Variants in XAF1 observed in about 807,000 individuals in gnomAD.
XAF1 encodes the protein XIAP associated factor 1, also known as XIAP-associated factor 1.
Under a neutral mutation model 32.3 loss-of-function variants are expected in XAF1, and 32 were observed. That is an observed-to-expected ratio of 0.99 (90% CI 0.75 to 1.33). The LOEUF (loss-of-function observed/expected upper bound fraction) is 1.33. XAF1 is among the 40% of genes most tolerant of loss of function. The probability of loss-of-function intolerance (pLI) is 0.00; values close to 1 mark genes in which losing one functional copy is unlikely to be tolerated. For synonymous variants in XAF1, 120 were observed against 125.9 expected (o/e 0.95, Z 0.31); for missense variants, 379 against 366.0 (o/e 1.04, Z -0.29).
intron 2 of XAF1, chr17:6,759,173 T>C: frequency 9.8e-7 from 1 of 1,018,834 alleles, no homozygotes; most frequent in Admixed American, 5.2e-5. Context: ...ACAAAGCCCA[T>C]GGAAAGGAAA....
chr17:6,772,468 T>C (rs1415263199), intron 6 of XAF1, among the ~76,000 whole-genome samples: 1 of 138,388 alleles, frequency 7.2e-6, no homozygotes, highest in Non-Finnish European at 1.6e-5. Flanking sequence ...CTGCCATCTT[T>C]TTTTTTTTTT....
chr17:6,759,062 G>C (rs1191424648), intron 2 of XAF1: 17 of 798,488 alleles, frequency 2.1e-5, no homozygotes, highest in Non-Finnish European at 2.5e-5. Context: ...GGAGAGATGG[G>C]GTCCGGGAGT....
At chr17:6,762,783 C>T (rs1191958978) in intron 5 of XAF1, among the ~76,000 whole-genome samples, 17 of 152,208 alleles carry the variant, frequency 1.1e-4, no homozygotes, top group Admixed American at 1.1e-3. Flanking sequence ...TGCCAAGTTG[C>T]TCCCTTCTTT....
At chr17:6,760,680 C>A in intron 4 of XAF1, 79 bp downstream of exon 4, 1 of 1,384,344 alleles carries the variant, frequency 7.2e-7, no homozygotes, top group Non-Finnish European at 9.9e-7. Flanking sequence ...GGAAGGGAAG[C>A]TCTCAACAGG....
At chr17:6,755,618 C>T (rs1375070561), upstream of XAF1, 15 of 1,012,964 alleles carry the variant, frequency 1.5e-5, no homozygotes, top group Non-Finnish European at 1.8e-5. Flanking sequence ...AGTCCAGGAG[C>T]CATTTTTAGG....
chr17:6,769,402 A>G (rs1975854604), intron 5 of XAF1, among the ~76,000 whole-genome samples: 1 of 152,208 alleles, frequency 6.6e-6, no homozygotes, highest in African/African-American at 2.4e-5. Flanking sequence ...CCCCATAAAT[A>G]TATAAAGTTA....
intron 1 of XAF1, chr17:6,757,250 G>C (rs549484307): frequency 4.6e-5 from 7 of 152,376 alleles, no homozygotes; most frequent in African/African-American, 1.7e-4. Context: ...TGATCCACCC[G>C]CCTCGGCCTC....
chr17:6,762,986 G>C (rs1304129753), intron 5 of XAF1, among the ~76,000 whole-genome samples: 1 of 152,184 alleles, frequency 6.6e-6, no homozygotes, highest in African/African-American at 2.4e-5. Context: ...TTTTACTATT[G>C]TGGTAAACCA....
chr17:6,765,617 C>G (rs563171535), intron 5 of XAF1, among the ~76,000 whole-genome samples: 1 of 152,268 alleles, frequency 6.6e-6, no homozygotes, highest in African/African-American at 2.4e-5. Flanking sequence ...CACAGCTTGG[C>G]CCATCTCAGT....
chr17:6,771,988 G>A (rs111492685), intron 6 of XAF1: 20 of 152,230 alleles, frequency 1.3e-4, no homozygotes, highest in African/African-American at 2.4e-4. Context: ...TTTTTACTCT[G>A]CCACATGCCT....
In XAF1 at chr17:6,758,193, T is replaced by C. The variant is rs748927671; in HGVS notation, c.137T>C (p.Met46Thr). 6.2e-6 allele frequency: 10 copies of C among 1,614,160 alleles called. No homozygotes were observed. The highest frequency in any genetic ancestry group is 1.3e-5 in the African/African-American group (1 of 75,038). ...GAGGAGCCTGTCCCCAAGGAAACCA[T>C]GGAGGAGCACTGCAAGCTTGAGCAC... ...ECEEPVPKET[M>T]EEHCKLEHQQ... The change falls in exon 2 of 7, where the codon ATG becomes ACG. Residue 46 changes from methionine (M) to threonine (T), a missense_variant. By Grantham distance (81) the Met-to-Thr change is moderately conservative. Coordinates refer to ENST00000361842, the MANE Select transcript of XAF1 (RefSeq NM_017523.5).
intron 4 of XAF1, among the ~76,000 whole-genome samples, chr17:6,761,259 C>A (rs1191949608): frequency 1.3e-5 from 2 of 152,208 alleles, no homozygotes; most frequent in Non-Finnish European, 2.9e-5. Context: ...CATCCTTTTA[C>A]AGATGAGAAA....
At chr17:6,768,882 C>T (rs1305181937) in intron 5 of XAF1, among the ~76,000 whole-genome samples, 1 of 152,114 alleles carries the variant, frequency 6.6e-6, no homozygotes, top group African/African-American at 2.4e-5. Context: ...TTTCTCTTTC[C>T]TTAATATAAA....
In XAF1 at chr17:6,762,245, G is replaced by C; in HGVS notation, c.507+5G>C. On this transcript the variant is annotated splice_donor_5th_base_variant and intron_variant, in intron 5 of 6. Coordinates refer to ENST00000361842, the MANE Select transcript of XAF1 (RefSeq NM_017523.5). ...AATAAGTATTTCCACCATATGGTGA[G>C]TAGCACTTAGTAATTTTCTAATGGT... 1.9e-6 allele frequency: 3 copies of C among 1,595,524 alleles called. No individual in the cohort carries two copies. The highest frequency in any genetic ancestry group is 2.6e-6 in the Non-Finnish European group (3 of 1,170,768).
intron 2 of XAF1, 150 bp downstream of exon 2, chr17:6,758,374 T>A (rs1974876301): frequency 2.5e-6 from 3 of 1,179,636 alleles, no homozygotes; most frequent in South Asian, 1.5e-5. Flanking sequence ...AAGTGTTCAG[T>A]CCTCTCTGCA....
chr17:6,770,950 T>C lies in XAF1; in HGVS notation c.815T>C (p.Ile272Thr). ...DILRRCSQCG[I>T]LLPLPILNQH... ...CTGAGGAGATGTTCTCAGTGTGGCA[T>C]CCTGCTTCCCCTGCCGATCCTAAAT... is the stretch of plus-strand genomic sequence containing the variant. Residue 272 changes from isoleucine (I) to threonine (T), a missense_variant, in exon 6 of 7, where the codon ATC (isoleucine) becomes ACC (threonine). By Grantham distance (89) the Ile-to-Thr change is moderately conservative. Transcript: ENST00000361842. The C allele has an allele frequency of 6.2e-7, 1 of 1,614,132 alleles. No homozygotes were observed.
Position 6,775,153 on chromosome 17 carries a change from T to C in XAF1, c.*1984T>C, listed in dbSNP as rs959075367. On this transcript the variant is annotated 3_prime_UTR_variant, in exon 7 of 7. Transcript: ENST00000361842. ...ACGTGGATGGAGCTGGAAGCCATTA[T>C]CCTAAATGAACTCACTCAGAAACAG... 1.3e-5 allele frequency: 2 copies of C among 152,000 alleles called. No homozygotes were observed. Among genetic ancestry groups the C allele is most frequent in the African/African-American group, 4.8e-5 (2 of 41,358 alleles). 9.4% of individuals were successfully genotyped at this position (152,000 alleles called of 1,614,324 possible).
At chr17:6,755,872 G>T, upstream of XAF1, 1 of 1,392,022 alleles carries the variant, frequency 7.2e-7, no homozygotes, top group South Asian at 1.5e-5. Flanking sequence ...AAGAATGACG[G>T]CCAAGGGCGA....
At chr17:6,763,662 T>C (rs1385929116) in intron 5 of XAF1, among the ~76,000 whole-genome samples, 3 of 152,194 alleles carry the variant, frequency 2.0e-5, no homozygotes, top group African/African-American at 7.2e-5. Flanking sequence ...TCGGATTGTT[T>C]CCACCTTTCA....
Sources: allele counts gnomAD v4.1 joint callset (sites outside exome capture counted in the v4.1 genomes callset), GRCh38; gene constraint gnomAD v4.1.1; transcripts MANE v1.5; gene names NCBI Gene and HGNC (gene_info 2026-07-23, HGNC 2026-07-21).